Variants in TRMT11 observed in about 807,000 individuals in gnomAD.
TRMT11 encodes the protein tRNA (guanine(10)-N(2))-methyltransferase TRMT11.
A neutral mutation model predicts 62.8 loss-of-function variants in TRMT11; 53 were observed. The observed-to-expected ratio is 0.84, with a 90% CI of 0.68 to 1.06. The LOEUF (loss-of-function observed/expected upper bound fraction) is 1.06. Ranked by LOEUF, TRMT11 falls within the 50% of genes least tolerant of loss-of-function variation. The pLI, the probability that TRMT11 is intolerant of heterozygous loss-of-function variation, is 0.00. For missense variants in TRMT11, 556 were observed against 553.4 expected (o/e 1.00, Z -0.05); for synonymous variants, 188 against 190.3 (o/e 0.99, Z 0.10).
At chr6:125,997,823 A>G (rs1791800471) in intron 3 of TRMT11, among the ~76,000 whole-genome samples, 2 of 152,268 alleles carry the variant, frequency 1.3e-5, no homozygotes, top group East Asian at 3.9e-4. Context: ...AATTGTTAAT[A>G]ACATTTTTAT....
intron 17 of TRMT11, among the ~76,000 whole-genome samples, chr6:126,066,922 TAA>T (rs371763379): frequency 2.3e-4 from 31 of 137,090 alleles, no homozygotes; most frequent in Admixed American, 3.7e-4. Context: ...ATTCATGACT[TAA>T]AAAAAAAAAA....
chr6:126,258,006 C>G, the TRMT11 span: 1 of 1,529,686 alleles, frequency 6.5e-7, no homozygotes, highest in Non-Finnish European at 9.0e-7. Flanking sequence ...GGGTTTGTAA[C>G]AGTCAACCAG....
intron 16 of TRMT11, among the ~76,000 whole-genome samples, chr6:126,046,069 C>G (rs575357569): frequency 2.0e-5 from 3 of 152,080 alleles, no homozygotes; most frequent in African/African-American, 7.2e-5. Flanking sequence ...AGGCGACCTA[C>G]TGAAGAATGA....
At chr6:126,245,895 C>G in the TRMT11 span, among the ~76,000 whole-genome samples, 1 of 151,970 alleles carries the variant, frequency 6.6e-6, no homozygotes, top group African/African-American at 2.4e-5. Flanking sequence ...CCTAGGAGTT[C>G]AAGACCAGCT....
In TRMT11 at chr6:126,110,739, T is replaced by C. The variant is rs143468043; in HGVS notation, c.*1438-2127T>C. On this transcript the variant is annotated intron_variant and NMD_transcript_variant, in intron 17 of 22. Transcript: ENST00000648977. ...ACAAAGCTGTTTTGGGGTCAAAGCT[T>C]TGTAGAGTTCATGCAACTAGGAAAA... is the stretch of plus-strand genomic sequence containing the variant. Among the ~76,000 whole-genome samples the C allele has an allele frequency of 5.3e-5, 8 of 152,214 alleles. No homozygotes were observed. The East Asian group carries it at 1.4e-3, about 26-fold the overall frequency.
At chr6:126,149,784 A>G (rs1778016509) in intron 21 of TRMT11, among the ~76,000 whole-genome samples, 2 of 152,188 alleles carry the variant, frequency 1.3e-5, no homozygotes, top group Non-Finnish European at 2.9e-5. Context: ...AGTGCCAAAT[A>G]TTCTGCAGTG....
intron 21 of TRMT11, among the ~76,000 whole-genome samples, chr6:126,151,413 C>T (rs1778036009): frequency 2.6e-5 from 4 of 152,110 alleles, no homozygotes; most frequent in Admixed American, 2.0e-4. Flanking sequence ...CTTCCTCTTC[C>T]CTCCATTTGT....
chr6:126,263,227 T>C, the TRMT11 span, among the ~76,000 whole-genome samples: 1 of 152,196 alleles, frequency 6.6e-6, no homozygotes, highest in Admixed American at 6.5e-5. Context: ...TCCATATAGA[T>C]TATGAAACAT....
At chr6:126,160,328 A>ATTTAT (rs1778174725) in intron 21 of TRMT11, among the ~76,000 whole-genome samples, 1 of 152,108 alleles carries the variant, frequency 6.6e-6, no homozygotes, top group African/African-American at 2.4e-5. Context: ...TACTGGAAAA[A>ATTTAT]TTTATTTTTC....
chr6:126,194,369 C>G (rs552235104), intron 1 of TRMT11, among the ~76,000 whole-genome samples: 1 of 152,130 alleles, frequency 6.6e-6, no homozygotes, highest in Non-Finnish European at 1.5e-5. Flanking sequence ...CCTCTTTGTG[C>G]TCCTTTCCAT....
chr6:126,154,903 A>G (rs1430411780), intron 21 of TRMT11, among the ~76,000 whole-genome samples: 2 of 152,092 alleles, frequency 1.3e-5, no homozygotes, highest in Non-Finnish European at 2.9e-5. Flanking sequence ...TTCCTGATCA[A>G]TGTTGATGGA....
At chr6:126,257,405 A>G in the TRMT11 span, among the ~76,000 whole-genome samples, 17 of 152,148 alleles carry the variant, frequency 1.1e-4, no homozygotes, top group South Asian at 2.1e-4. Context: ...GTTTACTAGT[A>G]TCTTGTTGAG....
chr6:126,093,585 G>GTATGTATA (rs1554236807), intron 17 of TRMT11, among the ~76,000 whole-genome samples: 2 of 46,688 alleles, frequency 4.3e-5, no homozygotes, highest in African/African-American at 9.4e-5. Context: ...GGATATGTAT[G>GTATGTATA]TATATATATA....
chr6:126,029,099 T>C (rs1024920200), intron 12 of TRMT11, among the ~76,000 whole-genome samples: 7 of 152,132 alleles, frequency 4.6e-5, no homozygotes, highest in Admixed American at 4.6e-4. Flanking sequence ...AGTGACAGAT[T>C]TTCCTCATTG....
chr6:126,063,000 A>G (rs887720759), intron 17 of TRMT11, among the ~76,000 whole-genome samples: 1 of 152,238 alleles, frequency 6.6e-6, no homozygotes, highest in East Asian at 1.9e-4. Flanking sequence ...AAACAATATC[A>G]TAAATTAATA....
chr6:125,996,101 C>A lies in TRMT11; in HGVS notation c.212+61C>A, dbSNP rs1166979772. 4.2e-6 allele frequency: 5 copies of A among 1,184,378 alleles called. No individual in the cohort carries two copies. The East Asian group carries it at 1.2e-4, about 28-fold the overall frequency. 73.4% of individuals were successfully genotyped at this position (1,184,378 alleles called of 1,614,324 possible). A position where few individuals can be genotyped will look rare whatever the true frequency, so the allele number is the denominator to read the frequency against. On this transcript the variant is annotated intron_variant, in intron 3 of 12. Coordinates refer to ENST00000334379, the MANE Select transcript of TRMT11 (RefSeq NM_001031712.3). ...TGGTACTTCTCATAACCACTCAATCCTGTTTTTTGCTATATTGGGCAGTGT... is the reference window on the plus strand; with the variant it reads ...TGGTACTTCTCATAACCACTCAATCATGTTTTTTGCTATATTGGGCAGTGT...
the TRMT11 span, among the ~76,000 whole-genome samples, chr6:126,258,662 G>T: frequency 6.6e-6 from 1 of 152,188 alleles, no homozygotes; most frequent in African/African-American, 2.4e-5. Flanking sequence ...ATTTGTTGGA[G>T]TATAGTTGTT....
At chr6:126,087,014 T>A (rs1777223787) in intron 17 of TRMT11, among the ~76,000 whole-genome samples, 1 of 152,210 alleles carries the variant, frequency 6.6e-6, no homozygotes, top group Non-Finnish European at 1.5e-5. Context: ...GAATTATAAG[T>A]TATTTAGAGG....
At chr6:126,219,885 G>T in the TRMT11 span, among the ~76,000 whole-genome samples, 1 of 152,132 alleles carries the variant, frequency 6.6e-6, no homozygotes, top group African/African-American at 2.4e-5. Context: ...TATGAGGGAG[G>T]TAGAATTATT....
Sources: gnomAD v4.1 joint callset for allele counts (sites outside exome capture counted in the v4.1 genomes callset) on GRCh38, gnomAD v4.1.1 for gene constraint, MANE v1.5 for transcripts, NCBI Gene and HGNC (gene_info 2026-07-23, HGNC 2026-07-21) for gene names.